NTRK2: variants seen among roughly 807,000 people sequenced by gnomAD.
The protein encoded by NTRK2 is BDNF/NT-3 growth factors receptor.
NTRK2 carries 13 observed loss-of-function variants against 94.5 expected under a neutral mutation model. The ratio of observed to expected loss-of-function variants is 0.14; its 90% CI spans 0.09 to 0.22. NTRK2 has a LOEUF of 0.22. NTRK2 is among the 10% of genes least tolerant of loss of function. The probability of loss-of-function intolerance (pLI) is 1.00; values close to 1 mark genes in which losing one functional copy is unlikely to be tolerated. For synonymous variants in NTRK2, 372 were observed against 407.4 expected (o/e 0.91, Z 1.05); for missense variants, 639 against 1,071.2 (o/e 0.60, Z 5.63).
chr9:84,718,095 A>G (rs1046517462), intron 6 of NTRK2, among the ~76,000 whole-genome samples: 10 of 134,360 alleles, frequency 7.4e-5, no homozygotes, highest in Admixed American at 6.7e-4. Flanking sequence ...GTAATCTTGG[A>G]TTTTTTTCCC....
chr9:84,711,595 T>C (rs926348885), intron 6 of NTRK2, among the ~76,000 whole-genome samples: 8 of 152,254 alleles, frequency 5.3e-5, no homozygotes, highest in African/African-American at 1.7e-4. Context: ...TTTGATCTTC[T>C]GGCCTAGTGG....
intron 12 of NTRK2, among the ~76,000 whole-genome samples, chr9:84,773,090 T>C (rs1296266596): frequency 6.6e-6 from 1 of 152,258 alleles, no homozygotes; most frequent in African/African-American, 2.4e-5. Context: ...TTTTACTTTC[T>C]TAATTTGGTA....
intron 6 of NTRK2, among the ~76,000 whole-genome samples, chr9:84,718,746 G>T (rs2061872418): frequency 1.3e-5 from 2 of 152,206 alleles, no homozygotes; most frequent in Non-Finnish European, 2.9e-5. Flanking sequence ...GTTAAGCCAA[G>T]AAGTAGTGCC....
At chr9:84,968,709 A>G (rs1825846229) in intron 17 of NTRK2, among the ~76,000 whole-genome samples, 1 of 152,228 alleles carries the variant, frequency 6.6e-6, no homozygotes. Flanking sequence ...GTAAAATGGT[A>G]AAGAAGTCGG....
At chr9:84,852,610 C>G (rs901461707) in intron 12 of NTRK2, among the ~76,000 whole-genome samples, 8 of 152,212 alleles carry the variant, frequency 5.3e-5, no homozygotes, top group Non-Finnish European at 7.4e-5. Flanking sequence ...TTGTGACCAC[C>G]TCTGTTAAAG....
intron 14 of NTRK2, among the ~76,000 whole-genome samples, chr9:84,870,331 G>GTGTGTATATATATATATA (rs1349303529): frequency 0.027 from 833 of 31,050 alleles, 57 homozygotes; most frequent in Non-Finnish European, 0.042. Context: ...GTGTGTGTGT[G>GTGTGTATATATATATATA]TATATATATA....
At chr9:84,927,208 G>T (rs2077851434) in intron 14 of NTRK2, among the ~76,000 whole-genome samples, 1 of 152,150 alleles carries the variant, frequency 6.6e-6, no homozygotes, top group African/African-American at 2.4e-5. Context: ...TATGACTTAA[G>T]TTTAATAACC....
intron 17 of NTRK2, among the ~76,000 whole-genome samples, chr9:84,989,825 T>C (rs1462953619): frequency 6.6e-6 from 1 of 152,244 alleles, no homozygotes; most frequent in African/African-American, 2.4e-5. Context: ...CTGAATAATG[T>C]GTCCTCACTT....
At chr9:85,001,506 AG>A (rs1163451157) in intron 17 of NTRK2, among the ~76,000 whole-genome samples, 1 of 152,214 alleles carries the variant, frequency 6.6e-6, no homozygotes, top group African/African-American at 2.4e-5. Flanking sequence ...ATGCACAATG[AG>A]GTCCCAGCAC....
intron 10 of NTRK2, among the ~76,000 whole-genome samples, chr9:84,742,949 T>C (rs1005668126): frequency 2.0e-5 from 3 of 151,740 alleles, no homozygotes; most frequent in Non-Finnish European, 4.4e-5. Flanking sequence ...TACAAGCACG[T>C]GCCACCACAC....
chr9:84,732,841 T>C (rs17087580), intron 9 of NTRK2, among the ~76,000 whole-genome samples: 13,582 of 152,204 alleles, frequency 0.089, 1,119 homozygotes, highest in African/African-American at 0.21. Context: ...TTTGTGGGCT[T>C]TTGGAGATTT....
intron 12 of NTRK2, among the ~76,000 whole-genome samples, chr9:84,846,461 A>G (rs975993181): frequency 1.2e-4 from 18 of 152,104 alleles, no homozygotes; most frequent in African/African-American, 4.3e-4. Context: ...ATGATTCTTT[A>G]TTTTTCCCAC....
At chr9:84,884,158 C>A (rs1361828295) in intron 14 of NTRK2, among the ~76,000 whole-genome samples, 3 of 152,180 alleles carry the variant, frequency 2.0e-5, no homozygotes, top group African/African-American at 7.2e-5. Flanking sequence ...AATTCTGCTT[C>A]AACTTACTTT....
In NTRK2 at chr9:84,867,243, G is replaced by A. The variant is rs149694868; in HGVS notation, c.1445G>A (p.Gly482Asp). The change falls in exon 14 of 19, where the codon GGC becomes GAC. Residue 482 changes from glycine to aspartate, a missense_variant and splice_region_variant. Gly to Asp is a moderately conservative substitution (Grantham distance 94). Around this residue, in one of 5 missense-constraint regions of NTRK2, gnomAD observed 343 missense variants for 571.5 expected, o/e 0.60. Transcript: ENST00000277120. ...AATATATATATTTTTCCATCTCCAG[G>A]CCCAGCCTCCGTTATCAGCAATGAT... The part of the protein sequence containing the change: ...FGKVKSRQGV[G>D]PASVISNDDD... 8 of 1,613,670 alleles carry A rather than the reference G, an allele frequency of 5.0e-6. No individual in the cohort carries two copies. The highest frequency in any genetic ancestry group is 1.7e-5 in the Admixed American group (1 of 59,964).
chr9:84,968,579 T>C (rs1407330599), intron 17 of NTRK2, among the ~76,000 whole-genome samples: 2 of 152,162 alleles, frequency 1.3e-5, no homozygotes, highest in Non-Finnish European at 2.9e-5. Flanking sequence ...ACCTGACTAA[T>C]ATGCCAAGGA....
intron 12 of NTRK2, chr9:84,810,465 GTTA>G: frequency 7.7e-7 from 1 of 1,297,980 alleles, no homozygotes; most frequent in Non-Finnish European, 1.1e-6. Context: ...TCATTTGAAA[GTTA>G]TTGTACTTGT....
In NTRK2 at chr9:84,756,644, C is replaced by G. The variant is rs2065110900; in HGVS notation, c.1396+4559C>G. Among the ~76,000 whole-genome samples the G allele has an allele frequency of 2.0e-5, 3 of 152,180 alleles. No individual in the cohort carries two copies. The South Asian group carries it at 6.2e-4, about 32-fold the overall frequency. ...TCAAGAGTGAAATATCTAAATGACC[C>G]TAAGAAATCTCTGTAGAAGAGACTA... is the stretch of plus-strand genomic sequence containing the variant. On this transcript the variant is annotated intron_variant, in intron 12 of 18. Transcript: ENST00000277120.
chr9:84,674,407 G>C (rs1324426642), intron 2 of NTRK2, among the ~76,000 whole-genome samples: 1 of 152,112 alleles, frequency 6.6e-6, no homozygotes, highest in East Asian at 1.9e-4. Context: ...CTGTAATGTT[G>C]TGTCATTAAT....
intron 15 of NTRK2, among the ~76,000 whole-genome samples, chr9:84,942,958 T>G (rs1054653614): frequency 3.3e-5 from 5 of 152,184 alleles, no homozygotes; most frequent in African/African-American, 1.2e-4. Flanking sequence ...TCAGGCATAT[T>G]AACCAAACAT....
Sources: allele counts gnomAD v4.1 joint callset (sites outside exome capture counted in the v4.1 genomes callset), GRCh38; gene constraint gnomAD v4.1.1; regional missense constraint gnomAD v4.1.1; transcripts MANE v1.5; gene names NCBI Gene and HGNC (gene_info 2026-07-23, HGNC 2026-07-21).